FILIP1L: variants seen among roughly 807,000 people sequenced by gnomAD.
FILIP1L encodes filamin A interacting protein 1 like.
Under a neutral mutation model 96.6 loss-of-function variants are expected in FILIP1L, and 55 were observed. The observed-to-expected ratio is 0.57, with a 90% confidence interval of 0.46 to 0.71. The LOEUF is 0.71. Ranked by LOEUF, FILIP1L falls within the 30% of genes least tolerant of loss-of-function variation. The pLI, the probability that FILIP1L is intolerant of heterozygous loss-of-function variation, is 0.00. For missense variants in FILIP1L, 1,304 were observed against 1,321.2 expected (o/e 0.99, Z 0.20); for synonymous variants, 467 against 473.9 (o/e 0.99, Z 0.19).
chr3:99,957,648 A>G (rs1576600224), intron 1 of FILIP1L, among the ~76,000 whole-genome samples: 1 of 137,926 alleles, frequency 7.3e-6, no homozygotes, highest in South Asian at 2.3e-4. Context: ...AAATTAAGCT[A>G]ATCAGTAGTT....
chr3:100,057,527 C>T (rs1470940433), intron 1 of FILIP1L, among the ~76,000 whole-genome samples: 11 of 152,274 alleles, frequency 7.2e-5, no homozygotes, highest in Admixed American at 6.5e-4. Flanking sequence ...TTGTGTTCTG[C>T]GTCTTATTAA....
Position 99,835,310 on chromosome 3 carries a change from T to C in FILIP1L, c.3382-4705A>G, listed in dbSNP as rs536370257. The stretch of plus-strand genomic sequence containing the variant: ...CTTGTGAATCTTTCTTTTTTAGAGT[T>C]CACCCAGAGACATTATCTGTTCTTT... On this transcript the variant is annotated intron_variant, in intron 5 of 5. Transcript: ENST00000477258. Among the ~76,000 whole-genome samples, 3 of 152,350 alleles carry C rather than the reference T, an allele frequency of 2.0e-5. No homozygotes were observed. The East Asian group carries it at 5.8e-4, about 29-fold the overall frequency.
rs1231601297 is a variant in FILIP1L at position 99,849,846 on chromosome 3, G to A, written c.1830C>T (p.Asp610=). 6.2e-7 allele frequency: 1 copy of A among 1,610,722 alleles called. No homozygotes were observed. The highest frequency in any genetic ancestry group is 8.5e-7 in the Non-Finnish European group (1 of 1,179,374). The change falls in exon 5 of 6, where the codon GAC becomes GAT. Residue 610 remains aspartate (D), a synonymous_variant. Transcript: ENST00000477258. The part of the protein sequence containing the change: ...KDFLKNKLNQ[D]SGKSTTALHQ... Reference sequence around the variant, plus strand: ...GTAATGCTGTTGTGGATTTCCCAGAGTCTTGATTTAATTTGTTTTTTAGGA... The same window carrying A: ...GTAATGCTGTTGTGGATTTCCCAGAATCTTGATTTAATTTGTTTTTTAGGA...
chr3:99,856,942 C>T (rs771112295), intron 4 of FILIP1L, among the ~76,000 whole-genome samples: 1 of 151,958 alleles, frequency 6.6e-6, no homozygotes, highest in African/African-American at 2.4e-5. Flanking sequence ...TAATTCTTAC[C>T]GCTTTTGATT....
At chr3:99,939,771 G>A (rs904566455) in intron 1 of FILIP1L, among the ~76,000 whole-genome samples, 1 of 152,194 alleles carries the variant, frequency 6.6e-6, no homozygotes, top group African/African-American at 2.4e-5. Context: ...TACATCAGGA[G>A]ACAGGGTATT....
intron 1 of FILIP1L, among the ~76,000 whole-genome samples, chr3:100,105,810 A>C (rs2066385560): frequency 6.6e-6 from 1 of 152,178 alleles, no homozygotes; most frequent in Non-Finnish European, 1.5e-5. Flanking sequence ...AGCATACCTC[A>C]TACTCAGGCT....
intron 4 of FILIP1L, among the ~76,000 whole-genome samples, chr3:99,854,704 T>C (rs1007402226): frequency 1.3e-5 from 2 of 152,112 alleles, no homozygotes; most frequent in African/African-American, 2.4e-5. Flanking sequence ...TCACCTCCAG[T>C]TGAGAACTAC....
At chr3:100,063,933 T>G (rs2065616558) in intron 1 of FILIP1L, among the ~76,000 whole-genome samples, 1 of 152,212 alleles carries the variant, frequency 6.6e-6, no homozygotes. Context: ...ACCCCAAGAC[T>G]GTCAGGAGTA....
chr3:100,113,397 G>A lies in FILIP1L; in HGVS notation c.-11+656C>T, dbSNP rs937875574. On this transcript the variant is annotated intron_variant, in intron 1 of 5. Coordinates refer to ENST00000477258, the MANE Select transcript of FILIP1L (RefSeq NM_001387850.1). ...TGGATATCCAGTCATCTTCTGTGGG[G>A]TGTTACAGAACAAGTTCTTGATAGG... Among the ~76,000 whole-genome samples the A allele has an allele frequency of 2.0e-5, 3 of 152,196 alleles. No individual in the cohort carries two copies. In the South Asian group the frequency reaches 6.2e-4, roughly 31 times the overall value.
At chr3:100,070,534 TA>T (rs2065743684) in intron 1 of FILIP1L, among the ~76,000 whole-genome samples, 1 of 152,224 alleles carries the variant, frequency 6.6e-6, no homozygotes, top group Non-Finnish European at 1.5e-5. Flanking sequence ...TGTGCCAATT[TA>T]AGTGGATGTA....
intron 5 of FILIP1L, chr3:99,847,899 T>C: frequency 3.1e-6 from 3 of 970,758 alleles, no homozygotes; most frequent in Non-Finnish European, 3.7e-6. Context: ...TAACACAGAA[T>C]GACCAAAAGA....
intron 1 of FILIP1L, among the ~76,000 whole-genome samples, chr3:99,973,705 G>A (rs1427446184): frequency 6.6e-6 from 1 of 152,108 alleles, no homozygotes; most frequent in Non-Finnish European, 1.5e-5. Flanking sequence ...AAAATAAATG[G>A]ATCTGCACTC....
chr3:99,892,123 G>A (rs985304283), intron 4 of FILIP1L, among the ~76,000 whole-genome samples: 3 of 152,166 alleles, frequency 2.0e-5, no homozygotes, highest in Non-Finnish European at 2.9e-5. Context: ...GAATATCACT[G>A]GAGTCTCATT....
At chr3:99,906,007 A>G (rs1706604136) in intron 4 of FILIP1L, among the ~76,000 whole-genome samples, 1 of 152,174 alleles carries the variant, frequency 6.6e-6, no homozygotes, top group Non-Finnish European at 1.5e-5. Flanking sequence ...AGCCTAGAAA[A>G]CATGGAGAAA....
At chr3:99,846,095 A>C (rs941616771) in intron 5 of FILIP1L, among the ~76,000 whole-genome samples, 18 of 152,314 alleles carry the variant, frequency 1.2e-4, no homozygotes, top group Non-Finnish European at 2.5e-4. Flanking sequence ...GAATAGCCCA[A>C]ATTTGGCTCC....
At chr3:99,890,356 A>G (rs1388176335) in intron 4 of FILIP1L, among the ~76,000 whole-genome samples, 2 of 152,064 alleles carry the variant, frequency 1.3e-5, no homozygotes, top group Non-Finnish European at 1.5e-5. Context: ...TGTCCTTACC[A>G]GGTTTCATTG....
chr3:99,836,013 A>C (rs1942882211), intron 5 of FILIP1L, among the ~76,000 whole-genome samples: 1 of 152,298 alleles, frequency 6.6e-6, no homozygotes, highest in Non-Finnish European at 1.5e-5. Context: ...CCAGAGTTTC[A>C]AAGGGAGATG....
chr3:99,895,029 G>A (rs1267333991), intron 4 of FILIP1L, among the ~76,000 whole-genome samples: 1 of 152,060 alleles, frequency 6.6e-6, no homozygotes, highest in Non-Finnish European at 1.5e-5. Context: ...GCAGCCTCAG[G>A]CCAACTAACC....
At chr3:100,060,687 T>TC (rs1312274377) in intron 1 of FILIP1L, among the ~76,000 whole-genome samples, 1 of 151,794 alleles carries the variant, frequency 6.6e-6, no homozygotes, top group Non-Finnish European at 1.5e-5. Context: ...AAACCCCATC[T>TC]CCACAAAAAA....
Sources: allele counts gnomAD v4.1 joint callset (sites outside exome capture counted in the v4.1 genomes callset), GRCh38; gene constraint gnomAD v4.1.1; transcripts MANE v1.5; gene names NCBI Gene and HGNC (gene_info 2026-07-23, HGNC 2026-07-21).